LIX1: variants seen among roughly 807,000 people sequenced by gnomAD.
LIX1 encodes the protein protein limb expression 1 homolog.
Under a neutral mutation model 33.4 loss-of-function variants are expected in LIX1, and 24 were observed. That is an observed-to-expected ratio of 0.72 (90% CI 0.52 to 1.01). The LOEUF (loss-of-function observed/expected upper bound fraction) is 1.01. Among genes scored for constraint, LIX1 ranks in the 50% least tolerant of loss-of-function variants. The probability of loss-of-function intolerance (pLI) is 0.00; values close to 1 mark genes in which losing one functional copy is unlikely to be tolerated. For synonymous variants in LIX1, 124 were observed against 124.0 expected, an observed-to-expected ratio of 1.00 and a Z score of 0.00; for missense variants, 311 against 339.2, an observed-to-expected ratio of 0.92 and a Z score of 0.65.
At chr5:97,106,525 G>A (rs146048249) in intron 3 of LIX1, among the ~76,000 whole-genome samples, 8 of 152,304 alleles carry the variant, frequency 5.3e-5, no homozygotes, top group East Asian at 3.9e-4. Flanking sequence ...GGGTTTATCC[G>A]TGCTAAAGGC....
chr5:97,118,841 C>T (rs543722009), intron 2 of LIX1, among the ~76,000 whole-genome samples: 1 of 151,552 alleles, frequency 6.6e-6, no homozygotes, highest in African/African-American at 2.4e-5. Flanking sequence ...CTCTCTCTCT[C>T]TCTTTCATTC....
intron 1 of LIX1, chr5:97,137,332 G>T (rs986029406): frequency 2.0e-5 from 4 of 196,648 alleles, no homozygotes; most frequent in Non-Finnish European, 4.3e-5. Context: ...TTTTCTATGA[G>T]AAATAAATGT....
chr5:97,124,877 T>C (rs1747879972), intron 1 of LIX1, among the ~76,000 whole-genome samples: 1 of 152,172 alleles, frequency 6.6e-6, no homozygotes, highest in Non-Finnish European at 1.5e-5. Context: ...TATTTCTTAA[T>C]GAGTAAGGCT....
rs1470880394 is a variant in LIX1 at position 97,112,605 on chromosome 5, C to A, written c.247-5105G>T. Reference sequence around the variant, plus strand: ...CTTTGCACTTTGCGAAAGTGCAGAGCTGGGATATTTAAGTCAAGATTTTAC... The same window carrying A: ...CTTTGCACTTTGCGAAAGTGCAGAGATGGGATATTTAAGTCAAGATTTTAC... On this transcript the variant is annotated intron_variant, in intron 2 of 5. Coordinates refer to ENST00000274382, the MANE Select transcript of LIX1 (RefSeq NM_153234.5). Among the ~76,000 whole-genome samples the A allele has an allele frequency of 2.6e-5, 4 of 152,196 alleles. No individual in the cohort carries two copies. The East Asian group carries it at 7.7e-4, about 29-fold the overall frequency.
At chr5:97,136,264 T>C (rs371254285) in intron 1 of LIX1, among the ~76,000 whole-genome samples, 3 of 152,214 alleles carry the variant, frequency 2.0e-5, no homozygotes, top group African/African-American at 7.2e-5. Context: ...AGCCCCGACT[T>C]TCTTGATGCT....
At chr5:97,141,855 T>A (rs1178270904) in intron 1 of LIX1, among the ~76,000 whole-genome samples, 4 of 152,236 alleles carry the variant, frequency 2.6e-5, no homozygotes, top group Non-Finnish European at 5.9e-5. Context: ...CTTGATTGAA[T>A]TATTTTTAAA....
chr5:97,101,956 A>T (rs532484812), intron 4 of LIX1: 1 of 152,330 alleles, frequency 6.6e-6, no homozygotes, highest in African/African-American at 2.4e-5. Context: ...CTTGGATTGC[A>T]TTAGGCTTCA....
At chr5:97,118,440 T>C in intron 2 of LIX1, among the ~76,000 whole-genome samples, 1 of 152,198 alleles carries the variant, frequency 6.6e-6, no homozygotes, top group Admixed American at 6.5e-5. Context: ...TGGCTTTCCT[T>C]CTGAGTTCAT....
chr5:97,113,574 A>C (rs1747523585), intron 2 of LIX1, among the ~76,000 whole-genome samples: 1 of 152,204 alleles, frequency 6.6e-6, no homozygotes, highest in South Asian at 2.1e-4. Flanking sequence ...GAGGAAATAG[A>C]GGCCTAAAGA....
intron 1 of LIX1, among the ~76,000 whole-genome samples, chr5:97,132,245 C>A (rs780462084): frequency 2.2e-4 from 33 of 152,070 alleles, no homozygotes; most frequent in Non-Finnish European, 4.3e-4. Context: ...ATTTACAATC[C>A]GACTGGGGAA....
rs188781615 is a variant in LIX1 at position 97,129,927 on chromosome 5, G to A, written c.83-5298C>T. Reference sequence around the variant, plus strand: ...TCCGTGGGCCATTTTTCCGACATTTGTTCTTGACAAAGTCAAATGAAAGAA... The same window carrying A: ...TCCGTGGGCCATTTTTCCGACATTTATTCTTGACAAAGTCAAATGAAAGAA... On this transcript the variant is annotated intron_variant, in intron 1 of 5. Transcript: ENST00000274382. 1.0e-3 allele frequency among the ~76,000 whole-genome samples: 156 copies of A among 152,258 alleles called. 1 individual carries two copies. Among genetic ancestry groups the A allele is most frequent in the African/African-American group, 3.5e-3 (146 of 41,552 alleles).
chr5:97,123,604 G>T (rs73143149), intron 2 of LIX1, among the ~76,000 whole-genome samples: 1 of 152,110 alleles, frequency 6.6e-6, no homozygotes, highest in Non-Finnish European at 1.5e-5. Flanking sequence ...GCTGTGACCC[G>T]AGTAATCTTT....
At chr5:97,110,827 T>C (rs1393126424) in intron 2 of LIX1, among the ~76,000 whole-genome samples, 1 of 152,020 alleles carries the variant, frequency 6.6e-6, no homozygotes, top group African/African-American at 2.4e-5. Flanking sequence ...TTTTTTTTTC[T>C]TTTTTCTTGG....
intron 1 of LIX1, among the ~76,000 whole-genome samples, chr5:97,136,528 C>G (rs1443213511): frequency 6.6e-6 from 1 of 152,176 alleles, no homozygotes; most frequent in Non-Finnish European, 1.5e-5. Flanking sequence ...CAGAAAAGTA[C>G]AAGGTACAGC....
intron 1 of LIX1, among the ~76,000 whole-genome samples, chr5:97,139,335 G>A (rs543687619): frequency 2.6e-5 from 4 of 152,252 alleles, no homozygotes; most frequent in Non-Finnish European, 4.4e-5. Flanking sequence ...AAAGATGGCA[G>A]ATAAATGTAT....
chr5:97,123,508 T>A (rs1475982557), intron 2 of LIX1, among the ~76,000 whole-genome samples: 1 of 152,200 alleles, frequency 6.6e-6, no homozygotes, highest in Non-Finnish European at 1.5e-5. Context: ...CTCCTGAACA[T>A]ACTGTGTTTG....
intron 1 of LIX1, among the ~76,000 whole-genome samples, chr5:97,139,190 T>C (rs1748232928): frequency 6.6e-6 from 1 of 152,202 alleles, no homozygotes; most frequent in African/African-American, 2.4e-5. Context: ...TGTGCCTCAG[T>C]TTCCTCACCT....
intron 1 of LIX1, among the ~76,000 whole-genome samples, chr5:97,139,799 A>C (rs1748245958): frequency 6.6e-6 from 1 of 152,246 alleles, no homozygotes; most frequent in Admixed American, 6.5e-5. Flanking sequence ...AAAAGGAAAA[A>C]AGTGTTATGG....
At chr5:97,117,074 C>T (rs1013397774) in intron 2 of LIX1, among the ~76,000 whole-genome samples, 1 of 152,150 alleles carries the variant, frequency 6.6e-6, no homozygotes, top group Non-Finnish European at 1.5e-5. Context: ...CTCATTAAAG[C>T]AATATGCACT....
Sources: allele counts gnomAD v4.1 joint callset (sites outside exome capture counted in the v4.1 genomes callset), GRCh38; gene constraint gnomAD v4.1.1; transcripts MANE v1.5; gene names NCBI Gene and HGNC (gene_info 2026-07-23, HGNC 2026-07-21).